GNA14: variants seen among roughly 807,000 people sequenced by gnomAD.
GNA14 encodes G protein subunit alpha 14.
GNA14 carries 50 observed loss-of-function variants against 42.0 expected under a neutral mutation model. That is an observed-to-expected ratio of 1.19 (90% CI 0.95 to 1.51). The LOEUF is 1.51. Among genes scored for constraint, GNA14 ranks in the 40% most tolerant of loss-of-function variants. The pLI, the probability that GNA14 is intolerant of heterozygous loss-of-function variation, is 0.00. For synonymous variants in GNA14, 173 were observed against 163.1 expected (o/e 1.06, Z -0.46); for missense variants, 473 against 446.2 (o/e 1.06, Z -0.54).
intron 1 of GNA14, among the ~76,000 whole-genome samples, chr9:77,558,283 CAGAT>C (rs150979699): frequency 0.19 from 29,516 of 151,724 alleles, 3,158 homozygotes; most frequent in African/African-American, 0.28. Flanking sequence ...ACAGATAGAT[CAGAT>C]AGATAGATAG....
intron 1 of GNA14, among the ~76,000 whole-genome samples, chr9:77,611,464 C>G (rs1564066207): frequency 6.6e-6 from 1 of 152,132 alleles, no homozygotes; most frequent in African/African-American, 2.4e-5. Flanking sequence ...AAGACATTGC[C>G]TCTGTCTTCC....
intron 1 of GNA14, among the ~76,000 whole-genome samples, chr9:77,549,008 AGGCCCACTGCAACCTCCGT>A (rs918850160): frequency 2.0e-4 from 31 of 151,720 alleles, no homozygotes; most frequent in African/African-American, 7.0e-4. Flanking sequence ...GGCACAATCT[AGGCCCACTGCAACCTCCGT>A]CTCCTGGGTT....
At chr9:77,600,473 T>G (rs1238516315) in intron 1 of GNA14, among the ~76,000 whole-genome samples, 2 of 152,212 alleles carry the variant, frequency 1.3e-5, no homozygotes, top group Admixed American at 6.5e-5. Context: ...GGGAAACTTG[T>G]AGTCTCCAGT....
intron 2 of GNA14, among the ~76,000 whole-genome samples, chr9:77,503,336 A>T (rs1245027773): frequency 2.0e-5 from 3 of 152,194 alleles, no homozygotes; most frequent in African/African-American, 7.2e-5. Context: ...TATTTGAGGA[A>T]GAGATAAAGA....
At chr9:77,474,028 A>C (rs962794362) in intron 2 of GNA14, among the ~76,000 whole-genome samples, 5 of 152,224 alleles carry the variant, frequency 3.3e-5, no homozygotes, top group African/African-American at 4.8e-5. Flanking sequence ...ATTTATCTAA[A>C]CTGAAGAGCT....
intron 1 of GNA14, among the ~76,000 whole-genome samples, chr9:77,549,500 T>C (rs961101671): frequency 1.3e-5 from 2 of 152,198 alleles, no homozygotes; most frequent in African/African-American, 4.8e-5. Flanking sequence ...GCCAGCCATT[T>C]TCCCTTATTA....
intron 1 of GNA14, among the ~76,000 whole-genome samples, chr9:77,636,940 C>T (rs1452233223): frequency 2.0e-5 from 3 of 152,220 alleles, no homozygotes; most frequent in Non-Finnish European, 4.4e-5. Flanking sequence ...TTCCTCAGCA[C>T]TCCTAAGTCC....
At chr9:77,428,064 A>ATT (rs1835479589) in intron 5 of GNA14, among the ~76,000 whole-genome samples, 1 of 139,184 alleles carries the variant, frequency 7.2e-6, no homozygotes, top group African/African-American at 2.8e-5. Context: ...AAGAGATGGC[A>ATT]TTTTTTCTTT....
At chr9:77,470,147 A>G (rs1442726478) in intron 2 of GNA14, among the ~76,000 whole-genome samples, 1 of 152,154 alleles carries the variant, frequency 6.6e-6, no homozygotes, top group East Asian at 1.9e-4. Flanking sequence ...GCTCACGGGT[A>G]CAGAATAGTC....
intron 1 of GNA14, among the ~76,000 whole-genome samples, chr9:77,549,916 C>T (rs1587826859): frequency 2.0e-5 from 3 of 152,178 alleles, no homozygotes; most frequent in South Asian, 4.2e-4. Flanking sequence ...TGATCCCAAA[C>T]CCACTTCTAG....
At chr9:77,534,852 G>A (rs35722681) in intron 1 of GNA14, among the ~76,000 whole-genome samples, 16,503 of 152,168 alleles carry the variant, frequency 0.11, 1,068 homozygotes, top group Non-Finnish European at 0.13. Flanking sequence ...TTTATTGGCT[G>A]TAGACAGTCA....
At chr9:77,484,649 G>A (rs1032267853) in intron 2 of GNA14, among the ~76,000 whole-genome samples, 1 of 151,936 alleles carries the variant, frequency 6.6e-6, no homozygotes, top group Non-Finnish European at 1.5e-5. Flanking sequence ...ATCCATGGAG[G>A]GTATATTCCA....
intron 2 of GNA14, among the ~76,000 whole-genome samples, chr9:77,494,235 A>C (rs901850312): frequency 6.6e-6 from 1 of 152,182 alleles, no homozygotes; most frequent in African/African-American, 2.4e-5. Flanking sequence ...ATAGTTTCAA[A>C]TGTCCATATT....
intron 2 of GNA14, among the ~76,000 whole-genome samples, chr9:77,513,413 G>C (rs1260440757): frequency 6.6e-6 from 1 of 152,220 alleles, no homozygotes; most frequent in East Asian, 1.9e-4. Flanking sequence ...GCAAGTGATA[G>C]TACCTACATT....
intron 2 of GNA14, among the ~76,000 whole-genome samples, chr9:77,457,459 T>C (rs989410865): frequency 2.0e-5 from 3 of 152,186 alleles, no homozygotes; most frequent in Admixed American, 6.5e-5. Context: ...CTAAGCCCAA[T>C]TGTGTATGCC....
intron 1 of GNA14, among the ~76,000 whole-genome samples, chr9:77,533,289 C>T (rs987776675): frequency 1.3e-5 from 2 of 152,208 alleles, no homozygotes; most frequent in Non-Finnish European, 2.9e-5. Flanking sequence ...AAGCAATTCT[C>T]GTGCCTCAGC....
intron 1 of GNA14, among the ~76,000 whole-genome samples, chr9:77,631,800 G>A (rs1334803443): frequency 6.6e-6 from 1 of 152,180 alleles, no homozygotes; most frequent in African/African-American, 2.4e-5. Context: ...TGATGGCAGT[G>A]GCGGGCCATC....
chr9:77,509,006 A>G (rs1837117539), intron 2 of GNA14, among the ~76,000 whole-genome samples: 1 of 152,194 alleles, frequency 6.6e-6, no homozygotes, highest in Admixed American at 6.5e-5. Context: ...GCATTAATAC[A>G]TTCACGTTGT....
chr9:77,470,640 A>G (rs1205487111), intron 2 of GNA14, among the ~76,000 whole-genome samples: 1 of 152,208 alleles, frequency 6.6e-6, no homozygotes, highest in African/African-American at 2.4e-5. Flanking sequence ...AGAGATCAGG[A>G]AAGGTTTCAA....
Sources: allele counts gnomAD v4.1 joint callset (sites outside exome capture counted in the v4.1 genomes callset), GRCh38; gene constraint gnomAD v4.1.1; transcripts MANE v1.5; gene names NCBI Gene and HGNC (gene_info 2026-07-23, HGNC 2026-07-21).